Variants in LINGO2 observed in about 807,000 individuals in gnomAD.
The protein encoded by LINGO2 is leucine rich repeat and Ig domain containing 2, also known as leucine-rich repeat and immunoglobulin-like domain-containing nogo receptor-interacting protein 2.
A neutral mutation model predicts 30.6 loss-of-function variants in LINGO2; 14 were observed. The ratio of observed to expected loss-of-function variants is 0.46; its 90% CI spans 0.30 to 0.72. The LOEUF (loss-of-function observed/expected upper bound fraction) is 0.72. Ranked by LOEUF, LINGO2 falls within the 30% of genes least tolerant of loss-of-function variation. The pLI is 0.07. For missense variants in LINGO2, 729 were observed against 751.7 expected (o/e 0.97, Z 0.35); for synonymous variants, 317 against 288.5 (o/e 1.10, Z -1.00).
At chr9:28,259,871 C>T (rs1822506164) in intron 4 of LINGO2, among the ~76,000 whole-genome samples, 1 of 151,904 alleles carries the variant, frequency 6.6e-6, no homozygotes, top group Non-Finnish European at 1.5e-5. Flanking sequence ...TCCTCCCTTT[C>T]CTACTTCCAA....
At chr9:28,873,644 C>T in the LINGO2 span, among the ~76,000 whole-genome samples, 2 of 152,064 alleles carry the variant, frequency 1.3e-5, no homozygotes, top group African/African-American at 4.8e-5. Flanking sequence ...CTATAAAGCC[C>T]CCCAAGGATG....
intron 4 of LINGO2, among the ~76,000 whole-genome samples, chr9:28,285,232 C>CATT (rs1399240459): frequency 6.6e-6 from 1 of 151,984 alleles, no homozygotes; most frequent in Non-Finnish European, 1.5e-5. Context: ...TCGTTATCAT[C>CATT]ATCATCATCA....
chr9:28,606,882 T>C (rs890479185), intron 1 of LINGO2, among the ~76,000 whole-genome samples: 8 of 152,046 alleles, frequency 5.3e-5, no homozygotes, highest in Admixed American at 2.6e-4. Flanking sequence ...AATTAACTAG[T>C]TTGTTCTGAC....
intron 3 of LINGO2, among the ~76,000 whole-genome samples, chr9:28,368,784 G>A (rs1820783681): frequency 1.4e-5 from 2 of 138,840 alleles, no homozygotes; most frequent in Non-Finnish European, 3.1e-5. Context: ...TTTTAGTGGA[G>A]ACGGGGTTTC....
At chr9:28,677,935 C>T in the LINGO2 span, among the ~76,000 whole-genome samples, 1 of 151,836 alleles carries the variant, frequency 6.6e-6, no homozygotes. Context: ...AGAAGCATCC[C>T]GAATCCATCT....
intron 3 of LINGO2, among the ~76,000 whole-genome samples, chr9:28,326,783 G>C (rs1311963540): frequency 6.6e-6 from 1 of 152,104 alleles, no homozygotes; most frequent in Non-Finnish European, 1.5e-5. Context: ...TGTTAGGAAG[G>C]TTCAATATTC....
At chr9:28,007,712 G>A (rs919779733) in intron 5 of LINGO2, among the ~76,000 whole-genome samples, 1 of 152,084 alleles carries the variant, frequency 6.6e-6, no homozygotes, top group African/African-American at 2.4e-5. Context: ...AACATCAGTG[G>A]TTTCCTAAAT....
the LINGO2 span, among the ~76,000 whole-genome samples, chr9:29,179,696 T>C: frequency 3.3e-5 from 5 of 152,192 alleles, no homozygotes; most frequent in African/African-American, 1.2e-4. Flanking sequence ...TGAGCCTCCG[T>C]GCCTGGCCCA....
chr9:28,992,777 C>A, the LINGO2 span, among the ~76,000 whole-genome samples: 10 of 151,856 alleles, frequency 6.6e-5, no homozygotes, highest in African/African-American at 1.2e-4. Context: ...GGGTACATAA[C>A]GAAATGAAGG....
At chr9:28,392,361 C>T (rs1460984750) in intron 2 of LINGO2, among the ~76,000 whole-genome samples, 2 of 152,102 alleles carry the variant, frequency 1.3e-5, no homozygotes, top group African/African-American at 4.8e-5. Context: ...GCTTTGGAGT[C>T]GGGCATGCCT....
chr9:28,980,745 T>C, the LINGO2 span, among the ~76,000 whole-genome samples: 1 of 152,120 alleles, frequency 6.6e-6, no homozygotes, highest in Non-Finnish European at 1.5e-5. Context: ...TCTCGCTCCT[T>C]ATCCTTCTTC....
At chr9:28,617,302 C>CTTTTTTTTTTTTTTTTTTTTTTTTTTTT (rs5897312) in intron 1 of LINGO2, among the ~76,000 whole-genome samples, 1 of 147,076 alleles carries the variant, frequency 6.8e-6, no homozygotes, top group African/African-American at 2.5e-5. Context: ...CTTTTCTTTT[C>CTTTTTTTTTTTTTTTTTTTTTTTTTTTT]TTTTTTTTTT....
At chr9:28,789,520 GTTTT>G in the LINGO2 span, among the ~76,000 whole-genome samples, 5 of 152,134 alleles carry the variant, frequency 3.3e-5, no homozygotes, top group Admixed American at 6.6e-5. Flanking sequence ...GACCCCATAT[GTTTT>G]ACTCTCCCTT....
chr9:28,626,035 A>G (rs1474780591), intron 1 of LINGO2, among the ~76,000 whole-genome samples: 1 of 152,130 alleles, frequency 6.6e-6, no homozygotes, highest in Admixed American at 6.6e-5. Flanking sequence ...ATTGTCTTCA[A>G]AGTGGTGGCA....
the LINGO2 span, among the ~76,000 whole-genome samples, chr9:29,118,190 C>T: frequency 1.3e-5 from 2 of 152,012 alleles, no homozygotes; most frequent in Admixed American, 1.3e-4. Flanking sequence ...GTTGACTTAC[C>T]CTGTGGGCTG....
At chr9:28,548,395 A>G (rs1822065477) in intron 1 of LINGO2, among the ~76,000 whole-genome samples, 1 of 152,042 alleles carries the variant, frequency 6.6e-6, no homozygotes, top group South Asian at 2.1e-4. Flanking sequence ...TGAACACCAC[A>G]TTACATTTAT....
intron 4 of LINGO2, among the ~76,000 whole-genome samples, chr9:28,194,071 C>G (rs1819922020): frequency 6.6e-6 from 1 of 152,086 alleles, no homozygotes; most frequent in Admixed American, 6.6e-5. Flanking sequence ...AAATGCCAGT[C>G]CAGTTTCAAA....
intron 4 of LINGO2, among the ~76,000 whole-genome samples, chr9:28,098,175 T>A (rs1230662340): frequency 6.6e-6 from 1 of 151,948 alleles, no homozygotes; most frequent in East Asian, 1.9e-4. Context: ...TGTGGTGGCA[T>A]CCACCTGTGG....
the LINGO2 span, among the ~76,000 whole-genome samples, chr9:28,921,503 T>A: frequency 2.0e-5 from 3 of 152,202 alleles, no homozygotes; most frequent in African/African-American, 7.2e-5. Flanking sequence ...GAAAAAGGTA[T>A]TCTTTTTTCA....
Sources: gnomAD v4.1 joint callset for allele counts (sites outside exome capture counted in the v4.1 genomes callset) on GRCh38, gnomAD v4.1.1 for gene constraint, MANE v1.5 for transcripts, NCBI Gene and HGNC (gene_info 2026-07-23, HGNC 2026-07-21) for gene names.